The following ROCK1 variants were observed in gnomAD, a reference collection of about 807,000 sequenced individuals.
ROCK1 encodes Rho associated coiled-coil containing protein kinase 1.
Under a neutral mutation model 196.8 loss-of-function variants are expected in ROCK1, and 36 were observed. The observed-to-expected ratio is 0.18, with a 90% confidence interval of 0.14 to 0.24. ROCK1 has a LOEUF of 0.24. Ranked by LOEUF, ROCK1 falls within the 10% of genes least tolerant of loss-of-function variation. The pLI is 1.00. For missense variants in ROCK1, 920 were observed against 1,562.0 expected (o/e 0.59, Z 6.93); for synonymous variants, 443 against 515.9 (o/e 0.86, Z 1.91).
At chr18:21,062,410 G>C (rs2036299684) in intron 2 of ROCK1, among the ~76,000 whole-genome samples, 1 of 152,264 alleles carries the variant, frequency 6.6e-6, no homozygotes, top group South Asian at 2.1e-4. Flanking sequence ...AAAAGCAATT[G>C]AGATTTTTGC....
intron 10 of ROCK1, among the ~76,000 whole-genome samples, chr18:21,026,066 C>G (rs1399447803): frequency 5.3e-5 from 8 of 152,104 alleles, no homozygotes; most frequent in African/African-American, 1.9e-4. Context: ...ACAGAAAATA[C>G]AAAAACATTG....
At chr18:21,099,087 C>G (rs145024651) in intron 1 of ROCK1, among the ~76,000 whole-genome samples, 1 of 152,232 alleles carries the variant, frequency 6.6e-6, no homozygotes, top group East Asian at 1.9e-4. Flanking sequence ...TTCTAGGAAT[C>G]TACTCCAAAG....
chr18:21,108,372 C>T (rs1334112005), intron 1 of ROCK1, among the ~76,000 whole-genome samples: 1 of 152,178 alleles, frequency 6.6e-6, no homozygotes, highest in Non-Finnish European at 1.5e-5. Flanking sequence ...TCTCCCTTTA[C>T]CATTATATCA....
chr18:20,958,642 C>T (rs1188390317), intron 29 of ROCK1, among the ~76,000 whole-genome samples: 1 of 150,840 alleles, frequency 6.6e-6, no homozygotes, highest in Non-Finnish European at 1.5e-5. Context: ...TTTATATCCA[C>T]AGGGAACTGA....
intron 2 of ROCK1, among the ~76,000 whole-genome samples, chr18:21,062,245 C>T (rs1480269647): frequency 6.6e-6 from 1 of 152,048 alleles, no homozygotes; most frequent in Non-Finnish European, 1.5e-5. Context: ...GAGCCTGGAG[C>T]ATCGTGTAAT....
intron 1 of ROCK1, among the ~76,000 whole-genome samples, chr18:21,080,169 T>C (rs1189381546): frequency 3.3e-5 from 5 of 152,100 alleles, no homozygotes; most frequent in Admixed American, 1.3e-4. Flanking sequence ...CCCTGGAGAA[T>C]AGAGAAAATC....
intron 22 of ROCK1, among the ~76,000 whole-genome samples, chr18:20,976,702 C>G (rs892443389): frequency 4.6e-5 from 7 of 152,198 alleles, no homozygotes. Flanking sequence ...TATGCAAAGA[C>G]TATCAAATCA....
At chr18:21,018,217 T>C (rs1303562871) in intron 12 of ROCK1, among the ~76,000 whole-genome samples, 6 of 151,910 alleles carry the variant, frequency 3.9e-5, no homozygotes, top group Non-Finnish European at 7.4e-5. Flanking sequence ...GTTTGTCACT[T>C]GTCTTTTAAT....
At chr18:21,104,576 G>A (rs1475022123) in intron 1 of ROCK1, among the ~76,000 whole-genome samples, 1 of 151,776 alleles carries the variant, frequency 6.6e-6, no homozygotes, top group African/African-American at 2.4e-5. Context: ...CGGACTGGGC[G>A]GAAAAAAAAC....
At chr18:20,959,974 T>C in intron 28 of ROCK1, 46 bp from the exon 29 acceptor site, 1 of 1,282,952 alleles carries the variant, frequency 7.8e-7, no homozygotes, top group Non-Finnish European at 1.1e-6. Context: ...CAACATTAAC[T>C]TGGTTTAAAG....
In ROCK1 at chr18:20,949,476, G is replaced by C. The variant is rs1005526246; in HGVS notation, c.*1908C>G. 2.6e-5 allele frequency: 4 copies of C among 152,320 alleles called. No homozygotes were observed. The highest frequency in any genetic ancestry group is 9.6e-5 in the African/African-American group (4 of 41,466). The allele number at this position is 152,320 out of a possible 1,614,324, so 9.4% of individuals were successfully genotyped here. A position where few individuals can be genotyped will look rare whatever the true frequency, so the allele number is the denominator to read the frequency against. On this transcript the variant is annotated 3_prime_UTR_variant, in exon 33 of 33. Transcript: ENST00000399799. ...CAGGTGGGTGCTGAGCACACAGTGG[G>C]TTTGCATCATAGGTGGGAGACGTTA... is the stretch of plus-strand genomic sequence containing the variant.
intron 1 of ROCK1, among the ~76,000 whole-genome samples, chr18:21,090,871 AT>A (rs68017253): frequency 0.79 from 120,744 of 152,102 alleles, 51,945 homozygotes; most frequent in Non-Finnish European, 0.96. Flanking sequence ...TCAAAGTACA[AT>A]AGATCAGAAG....
chr18:21,011,346 C>A (rs2035815465), intron 13 of ROCK1, among the ~76,000 whole-genome samples: 1 of 152,052 alleles, frequency 6.6e-6, no homozygotes. Context: ...CAGTGGCTGC[C>A]CTAGATATTA....
chr18:21,035,280 C>T (rs577312064), intron 9 of ROCK1, among the ~76,000 whole-genome samples: 2 of 152,118 alleles, frequency 1.3e-5, no homozygotes, highest in African/African-American at 4.8e-5. Flanking sequence ...TGGTGGCTCA[C>T]GTCTGCAATC....
At chr18:21,030,739 A>G (rs912897463) in intron 9 of ROCK1, among the ~76,000 whole-genome samples, 13 of 152,230 alleles carry the variant, frequency 8.5e-5, no homozygotes, top group Non-Finnish European at 1.8e-4. Context: ...AATAAACATC[A>G]GTATATATTT....
chr18:21,094,725 G>A (rs1310880011), intron 1 of ROCK1, among the ~76,000 whole-genome samples: 1 of 145,818 alleles, frequency 6.9e-6, no homozygotes, highest in Non-Finnish European at 1.5e-5. Context: ...CTCCAGCCTG[G>A]GCAACAAAAT....
At chr18:21,105,569 T>C (rs143997926) in intron 1 of ROCK1, among the ~76,000 whole-genome samples, 65 of 152,322 alleles carry the variant, frequency 4.3e-4, no homozygotes, top group Non-Finnish European at 8.5e-4. Flanking sequence ...TCGAAAATGC[T>C]ACCCAAAATC....
At chr18:21,019,670 C>T (rs1372453197) in intron 12 of ROCK1, among the ~76,000 whole-genome samples, 3 of 151,474 alleles carry the variant, frequency 2.0e-5, no homozygotes, top group Non-Finnish European at 4.4e-5. Context: ...TGGTGGCGGG[C>T]GCCTGTAGGC....
At chr18:21,045,150 C>T (rs557441659) in intron 5 of ROCK1, 142 bp downstream of exon 5, 24 of 675,280 alleles carry the variant, frequency 3.6e-5, no homozygotes, top group South Asian at 7.3e-5. Context: ...CGTGAGGCAG[C>T]GCCTGGCCAG....
Sources: gnomAD v4.1 joint callset for allele counts (sites outside exome capture counted in the v4.1 genomes callset) on GRCh38, gnomAD v4.1.1 for gene constraint, MANE v1.5 for transcripts, NCBI Gene and HGNC (gene_info 2026-07-23, HGNC 2026-07-21) for gene names.